The following SLC10A7 variants were observed in gnomAD, a reference collection of about 807,000 sequenced individuals.
SLC10A7 encodes solute carrier family 10 member 7.
SLC10A7 carries 29 observed loss-of-function variants against 43.2 expected under a neutral mutation model. The observed-to-expected ratio is 0.67, with a 90% CI of 0.50 to 0.92. The LOEUF (loss-of-function observed/expected upper bound fraction) is 0.92, where lower values mean the gene tolerates loss of function less well. Among genes scored for constraint, SLC10A7 ranks in the 40% least tolerant of loss-of-function variants. SLC10A7 has a pLI of 0.00. For missense variants in SLC10A7, 295 were observed against 403.2 expected (o/e 0.73, Z 2.30); for synonymous variants, 152 against 144.8 (o/e 1.05, Z -0.35).
At chr4:146,515,770 C>T (rs936323003) in intron 2 of SLC10A7, among the ~76,000 whole-genome samples, 2 of 151,674 alleles carry the variant, frequency 1.3e-5, no homozygotes, top group Non-Finnish European at 2.9e-5. Context: ...ATTAGCCGGG[C>T]GTGGTGGTGG....
chr4:146,466,354 T>A (rs1045653835), intron 4 of SLC10A7, among the ~76,000 whole-genome samples: 10 of 151,722 alleles, frequency 6.6e-5, no homozygotes, highest in African/African-American at 2.4e-4. Flanking sequence ...GATACAAGTA[T>A]AAAAACAAAT....
chr4:146,363,546 G>A (rs1034759999), intron 5 of SLC10A7, among the ~76,000 whole-genome samples: 2 of 152,108 alleles, frequency 1.3e-5, no homozygotes, highest in African/African-American at 4.8e-5. Flanking sequence ...AACAGCCGCA[G>A]AACATACCTT....
At chr4:146,450,061 A>G (rs1430876308) in intron 4 of SLC10A7, among the ~76,000 whole-genome samples, 1 of 152,026 alleles carries the variant, frequency 6.6e-6, no homozygotes, top group African/African-American at 2.4e-5. Flanking sequence ...AAATATTATA[A>G]TAACAACACT....
intron 10 of SLC10A7, among the ~76,000 whole-genome samples, chr4:146,277,989 T>G (rs1036432257): frequency 2.0e-5 from 3 of 152,160 alleles, no homozygotes; most frequent in African/African-American, 7.2e-5. Flanking sequence ...AATAATTTTC[T>G]TTTTAAACAA....
intron 4 of SLC10A7, among the ~76,000 whole-genome samples, chr4:146,458,219 GA>G (rs1465417650): frequency 1.3e-5 from 2 of 151,106 alleles, no homozygotes; most frequent in African/African-American, 2.4e-5. Context: ...GATGAAAAAA[GA>G]AAAAAACATA....
At chr4:146,410,101 G>A (rs560401739) in intron 5 of SLC10A7, among the ~76,000 whole-genome samples, 52 of 152,144 alleles carry the variant, frequency 3.4e-4, no homozygotes, top group Admixed American at 2.7e-3. Context: ...AATCCAACAA[G>A]GTTAGAAAGG....
chr4:146,496,754 C>A (rs552865458), intron 4 of SLC10A7, among the ~76,000 whole-genome samples: 1 of 152,280 alleles, frequency 6.6e-6, no homozygotes, highest in South Asian at 2.1e-4. Flanking sequence ...TCACCCATGT[C>A]ACCAAAAACT....
chr4:146,323,367 A>G (rs1055464366), intron 6 of SLC10A7, among the ~76,000 whole-genome samples: 3 of 152,170 alleles, frequency 2.0e-5, no homozygotes, highest in African/African-American at 7.2e-5. Context: ...TAGGTCTAAC[A>G]TGTAAGTCTT....
At chr4:146,452,194 T>C (rs951324663) in intron 4 of SLC10A7, among the ~76,000 whole-genome samples, 2 of 152,106 alleles carry the variant, frequency 1.3e-5, no homozygotes, top group African/African-American at 2.4e-5. Context: ...AATCTCTTGT[T>C]CCTATTGCAT....
intron 5 of SLC10A7, among the ~76,000 whole-genome samples, chr4:146,433,847 G>A (rs1305117803): frequency 6.6e-6 from 1 of 152,022 alleles, no homozygotes; most frequent in East Asian, 1.9e-4. Context: ...GCCAAACCCT[G>A]TCTCAAAAAA....
At chr4:146,304,092 C>A (rs2149678836) in intron 7 of SLC10A7, among the ~76,000 whole-genome samples, 1 of 67,484 alleles carries the variant, frequency 1.5e-5, no homozygotes, top group African/African-American at 6.2e-5. Context: ...ACTTGTTTTA[C>A]AATTTGTATG....
At chr4:146,285,783 G>A (rs2111132578) in intron 9 of SLC10A7, among the ~76,000 whole-genome samples, 1 of 152,270 alleles carries the variant, frequency 6.6e-6, no homozygotes, top group South Asian at 2.1e-4. Flanking sequence ...AGTTTGTAGT[G>A]GTAAAAAGGA....
intron 5 of SLC10A7, among the ~76,000 whole-genome samples, chr4:146,384,749 A>G (rs1294863897): frequency 1.3e-5 from 2 of 152,032 alleles, no homozygotes; most frequent in Admixed American, 1.3e-4. Context: ...ATAATCCCCA[A>G]TGTTGGAGGT....
intron 5 of SLC10A7, among the ~76,000 whole-genome samples, chr4:146,432,509 G>A (rs1026476805): frequency 2.6e-5 from 4 of 152,002 alleles, no homozygotes; most frequent in Non-Finnish European, 5.9e-5. Context: ...AGCATATACC[G>A]TGTGATTCCA....
intron 10 of SLC10A7, among the ~76,000 whole-genome samples, chr4:146,279,311 C>T (rs17021345): frequency 0.063 from 9,632 of 152,048 alleles, 421 homozygotes; most frequent in South Asian, 0.2. Context: ...ATATTGGAAC[C>T]CTAGATAAGC....
intron 5 of SLC10A7, among the ~76,000 whole-genome samples, chr4:146,347,405 T>G (rs1236999654): frequency 6.6e-6 from 1 of 152,182 alleles, no homozygotes. Flanking sequence ...CTTTGGAAAT[T>G]TAACTTTCCT....
rs766947189 is a variant in SLC10A7, at chr4:146,256,320, A to G, written c.*171T>C. ...CAGTAATCAACAAAGCATATTTTGG[A>G]AATAACGCTCTTGTCAAATACATTT... On this transcript the variant is annotated 3_prime_UTR_variant, in exon 12 of 12. Transcript: ENST00000335472. 3 of 642,296 alleles carry G rather than the reference A, an allele frequency of 4.7e-6. No individual in the cohort carries two copies. The highest frequency in any genetic ancestry group is 8.0e-6 in the Non-Finnish European group (3 of 372,702). The allele number at this position is 642,296 out of a possible 1,614,324, so 39.8% of individuals were successfully genotyped here. A position where few individuals can be genotyped will look rare whatever the true frequency, so the allele number is the denominator to read the frequency against.
At chr4:146,285,099 T>C (rs1412393770) in intron 9 of SLC10A7, among the ~76,000 whole-genome samples, 1 of 152,136 alleles carries the variant, frequency 6.6e-6, no homozygotes, top group Non-Finnish European at 1.5e-5. Flanking sequence ...AGGGGGCAGT[T>C]GGCAAAGAAC....
Position 146,489,065 on chromosome 4 carries a change from C to T in SLC10A7, c.396+14784G>A, listed in dbSNP as rs1235151188. On this transcript the variant is annotated intron_variant, in intron 4 of 11. Transcript: ENST00000335472. ...TGAGATACACAGCCATTTTCAATAG[C>T]CTGTGCTAAATGTGCCTTGGTGGGG... 5.3e-5 allele frequency among the ~76,000 whole-genome samples: 8 copies of T among 152,164 alleles called. No individual in the cohort carries two copies. In the East Asian group the frequency reaches 1.5e-3, roughly 29 times the overall value.
Sources: allele counts gnomAD v4.1 joint callset (sites outside exome capture counted in the v4.1 genomes callset), GRCh38; gene constraint gnomAD v4.1.1; transcripts MANE v1.5; gene names NCBI Gene and HGNC (gene_info 2026-07-23, HGNC 2026-07-21).